ABCA13: variants seen among roughly 807,000 people sequenced by gnomAD.
ABCA13 encodes the protein ATP-binding cassette sub-family A member 13.
In ABCA13, 476 loss-of-function variants were observed where a neutral mutation model predicts 478.7. The ratio of observed to expected loss-of-function variants is 0.99; its 90% CI spans 0.92 to 1.07. The LOEUF is 1.07. Among genes scored for constraint, ABCA13 ranks in the 50% least tolerant of loss-of-function variants. The pLI, the probability that ABCA13 is intolerant of heterozygous loss-of-function variation, is 0.00. For synonymous variants in ABCA13, 2,252 were observed against 2,158.9 expected, an observed-to-expected ratio of 1.04 and a Z score of -1.20; for missense variants, 6,060 against 5,910.6, an observed-to-expected ratio of 1.03 and a Z score of -0.83.
At chr7:48,395,852 T>C (rs1226774591) in intron 38 of ABCA13, among the ~76,000 whole-genome samples, 1 of 152,212 alleles carries the variant, frequency 6.6e-6, no homozygotes, top group Admixed American at 6.5e-5. Flanking sequence ...AGTAGAATAT[T>C]AGTAGGTAAG....
chr7:48,219,919 C>CACAT (rs1787117847), intron 4 of ABCA13, among the ~76,000 whole-genome samples: 2 of 151,038 alleles, frequency 1.3e-5, no homozygotes, highest in Admixed American at 6.6e-5. Context: ...CACACACACA[C>CACAT]ACACACACAC....
intron 15 of ABCA13, among the ~76,000 whole-genome samples, chr7:48,259,019 A>T (rs1425486534): frequency 6.6e-6 from 1 of 150,470 alleles, no homozygotes; most frequent in Non-Finnish European, 1.5e-5. Context: ...GATTGTTTTT[A>T]TGGCCAATAA....
intron 48 of ABCA13, among the ~76,000 whole-genome samples, chr7:48,500,382 G>A (rs1436527891): frequency 2.0e-5 from 3 of 151,960 alleles, no homozygotes; most frequent in Non-Finnish European, 4.4e-5. Flanking sequence ...ACCTTAGGTA[G>A]GAGAGTAAGC....
Position 48,455,054 on chromosome 7 carries a change from C to T in ABCA13, c.12583C>T (p.Pro4195Ser). The T allele has an allele frequency of 7.8e-6, 12 of 1,531,566 alleles. No homozygotes were observed. The highest frequency in any genetic ancestry group is 1.1e-5 in the Non-Finnish European group (12 of 1,141,118). The allele number at this position is 1,531,566 out of a possible 1,614,324, so 94.9% of individuals were successfully genotyped here. A position where few individuals can be genotyped will look rare whatever the true frequency, so the allele number is the denominator to read the frequency against. The change falls in exon 43 of 62, where the codon CCC (proline) becomes TCC (serine). Residue 4195 changes from proline to serine, a missense_variant. By Grantham distance (74) the Pro-to-Ser change is moderately conservative (BLOSUM62 -1). This residue lies in a region of ABCA13 where 1,627 missense variants were observed against 1,571.0 expected (regional missense o/e 1.04). Transcript: ENST00000435803. Reference protein sequence around the residue: ...LSGYCGSLARPATVQGVQLLR... With the variant: ...LSGYCGSLARSATVQGVQLLR... ...TCCTGCAGGTGGCTCCCTAGCACGG[C>T]CCGCAACTGTGCAGGGCGTCCAGCT...
chr7:48,228,124 T>A (rs946534118), intron 6 of ABCA13, among the ~76,000 whole-genome samples: 1 of 152,212 alleles, frequency 6.6e-6, no homozygotes, highest in Non-Finnish European at 1.5e-5. Context: ...AGGTTTATAT[T>A]CTTCTCTGTT....
chr7:48,478,023 A>T (rs1828327671), intron 45 of ABCA13, among the ~76,000 whole-genome samples: 2 of 151,742 alleles, frequency 1.3e-5, no homozygotes, highest in South Asian at 4.2e-4. Context: ...CTTGATAAGT[A>T]TGGGGGGTGG....
chr7:48,200,905 T>C (rs1352936425), intron 3 of ABCA13, among the ~76,000 whole-genome samples: 1 of 152,212 alleles, frequency 6.6e-6, no homozygotes, highest in Non-Finnish European at 1.5e-5. Context: ...ACGCCTGTAA[T>C]CCCAGCGCTT....
chr7:48,551,261 A>G (rs571738581), intron 55 of ABCA13, among the ~76,000 whole-genome samples: 8 of 146,826 alleles, frequency 5.4e-5, no homozygotes, highest in Admixed American at 2.1e-4. Flanking sequence ...GCTAGGGCTT[A>G]CTGACTGTTC....
At chr7:48,537,400 A>G (rs558072695) in intron 55 of ABCA13, among the ~76,000 whole-genome samples, 117 of 152,320 alleles carry the variant, frequency 7.7e-4, no homozygotes, top group Non-Finnish European at 1.1e-3. Context: ...CAGTGCCACA[A>G]AGGAAGTAGC....
rs181798065 is a variant in ABCA13, at chr7:48,604,614, T to C, written c.14744+9801T>C. Among the ~76,000 whole-genome samples the C allele has an allele frequency of 1.1e-4, 16 of 152,320 alleles. No homozygotes were observed. The East Asian group carries it at 3.1e-3, about 29-fold the overall frequency. On this transcript the variant is annotated intron_variant, in intron 58 of 61. Coordinates refer to ENST00000435803, the MANE Select transcript of ABCA13 (RefSeq NM_152701.5). ...TGAGAGACTGTTATGATTTCCGTTC[T>C]TTTGCAGTTGCTGAGGAGTGTTTTA...
At chr7:48,640,743 AAGTC>A (rs1232475770) in intron 59 of ABCA13, among the ~76,000 whole-genome samples, 1 of 152,176 alleles carries the variant, frequency 6.6e-6, no homozygotes, top group African/African-American at 2.4e-5. Context: ...AGAAATGAAA[AAGTC>A]AAGCTAATAT....
At chr7:48,423,181 G>A (rs536478435) in intron 41 of ABCA13, among the ~76,000 whole-genome samples, 9 of 152,336 alleles carry the variant, frequency 5.9e-5, no homozygotes, top group African/African-American at 2.2e-4. Context: ...TATTTAGAGA[G>A]CAGTTGCTAG....
chr7:48,578,239 G>A (rs1177796559), intron 55 of ABCA13, among the ~76,000 whole-genome samples: 6 of 152,062 alleles, frequency 3.9e-5, no homozygotes, highest in African/African-American at 7.2e-5. Context: ...GAGCAGAAAA[G>A]GGAGTTAAAA....
chr7:48,522,543 A>T (rs1832625243), intron 53 of ABCA13, among the ~76,000 whole-genome samples: 1 of 152,126 alleles, frequency 6.6e-6, no homozygotes, highest in South Asian at 2.1e-4. Flanking sequence ...CCTAGGTCCC[A>T]TCTGAATTCT....
chr7:48,273,290 CAT>C lies in ABCA13; in HGVS notation c.3627_3628del (p.Leu1210LysfsTer4). ...ILPTHNVARL[I>X]LNLFKNVTQA... ...TTCCCACCCATAATGTTGCTAGACTCATATTAAATTTGTTTAAAAATGTAACT... is the reference window on the plus strand; with the variant it reads ...TTCCCACCCATAATGTTGCTAGACTCATTAAATTTGTTTAAAAATGTAACT... On this transcript the variant is annotated frameshift_variant, in exon 17 of 62. Transcript: ENST00000435803. LOFTEE classifies it high-confidence loss of function. 2 of 1,613,598 alleles carry C rather than the reference CAT, an allele frequency of 1.2e-6. No individual in the cohort carries two copies. Among genetic ancestry groups the C allele is most frequent in the South Asian group, 2.2e-5 (2 of 91,062 alleles).
chr7:48,324,739 T>C (rs923183777), intron 27 of ABCA13, among the ~76,000 whole-genome samples: 5 of 152,194 alleles, frequency 3.3e-5, no homozygotes, highest in East Asian at 3.9e-4. Flanking sequence ...CCTCGGGACC[T>C]ATATGAATTC....
intron 55 of ABCA13, 53 bp from the exon 56 acceptor site, chr7:48,580,171 T>G: frequency 6.6e-7 from 1 of 1,507,960 alleles, no homozygotes; most frequent in South Asian, 1.4e-5. Context: ...AAAAATGGGT[T>G]GGTGCCAGTT....
At chr7:48,480,415 T>C (rs1210826986) in intron 45 of ABCA13, among the ~76,000 whole-genome samples, 8 of 152,186 alleles carry the variant, frequency 5.3e-5, no homozygotes, top group Non-Finnish European at 8.8e-5. Context: ...TATTTTAATA[T>C]ATCATCTTTT....
At chr7:48,543,693 A>T (rs1289798048) in intron 55 of ABCA13, among the ~76,000 whole-genome samples, 2 of 151,904 alleles carry the variant, frequency 1.3e-5, no homozygotes, top group Non-Finnish European at 2.9e-5. Flanking sequence ...TATGAAAGTG[A>T]ATGGTTAATA....
Sources: allele counts gnomAD v4.1 joint callset (sites outside exome capture counted in the v4.1 genomes callset), GRCh38; gene constraint gnomAD v4.1.1; regional missense constraint gnomAD v4.1.1; transcripts MANE v1.5; gene names NCBI Gene and HGNC (gene_info 2026-07-23, HGNC 2026-07-21).